The following SPIDR variants were observed in gnomAD, a reference collection of about 807,000 sequenced individuals.
SPIDR encodes DNA repair-scaffolding protein.
Under a neutral mutation model 104.6 loss-of-function variants are expected in SPIDR, and 93 were observed. The observed-to-expected ratio is 0.89, with a 90% CI of 0.75 to 1.06. The LOEUF (loss-of-function observed/expected upper bound fraction) is 1.06, where lower values mean the gene tolerates loss of function less well. Among genes scored for constraint, SPIDR ranks in the 50% least tolerant of loss-of-function variants. The pLI, the probability that SPIDR is intolerant of heterozygous loss-of-function variation, is 0.00. For synonymous variants in SPIDR, 431 were observed against 416.9 expected, an observed-to-expected ratio of 1.03 and a Z score of -0.41; for missense variants, 1,154 against 1,111.2, an observed-to-expected ratio of 1.04 and a Z score of -0.55.
rs1289712906 is a variant in SPIDR at position 47,440,558 on chromosome 8, T to C, written c.1097+16T>C. The C allele has an allele frequency of 1.9e-6, 3 of 1,600,604 alleles. No homozygotes were observed. In the African/African-American group the frequency reaches 4.0e-5, roughly 21 times the overall value. On this transcript the variant is annotated intron_variant, in intron 8 of 19. Coordinates refer to ENST00000297423, the MANE Select transcript of SPIDR (RefSeq NM_001080394.4). ...TCCCTCCCTGGTGAGTGCGCAGAAC[T>C]TAATCCAGCAGTCACCAACTGTGAG...
chr8:47,373,291 CATT>C (rs1204476091), intron 5 of SPIDR, among the ~76,000 whole-genome samples: 6 of 152,108 alleles, frequency 3.9e-5, no homozygotes, highest in Admixed American at 1.3e-4. Context: ...TAGAGACTAT[CATT>C]GTGTCACTCT....
intron 5 of SPIDR, among the ~76,000 whole-genome samples, chr8:47,333,344 C>G (rs541111669): frequency 3.9e-5 from 6 of 152,230 alleles, no homozygotes; most frequent in African/African-American, 1.2e-4. Flanking sequence ...CTCTGTAACC[C>G]AGTCTGGAAT....
At chr8:47,450,748 G>A (rs2071565983) in intron 8 of SPIDR, among the ~76,000 whole-genome samples, 1 of 152,176 alleles carries the variant, frequency 6.6e-6, no homozygotes, top group Admixed American at 6.5e-5. Flanking sequence ...TGAAAATGGT[G>A]TAGAGTAGGA....
At chr8:47,354,311 T>G (rs562955308) in intron 5 of SPIDR, among the ~76,000 whole-genome samples, 18 of 151,954 alleles carry the variant, frequency 1.2e-4, no homozygotes, top group African/African-American at 4.3e-4. Context: ...CTCATAGTTC[T>G]TCCTCAGTTT....
At chr8:47,663,040 C>T (rs1444801453) in intron 10 of SPIDR, among the ~76,000 whole-genome samples, 1 of 152,344 alleles carries the variant, frequency 6.6e-6, no homozygotes, top group African/African-American at 2.4e-5. Context: ...TGGACTAAGA[C>T]ACCTGTCTTG....
chr8:47,362,345 T>A (rs2056181058), intron 5 of SPIDR, among the ~76,000 whole-genome samples: 1 of 152,222 alleles, frequency 6.6e-6, no homozygotes, highest in African/African-American at 2.4e-5. Flanking sequence ...TGCTTACTAC[T>A]GGGAGTCAGG....
At chr8:47,628,175 T>C (rs1291553834) in intron 10 of SPIDR, among the ~76,000 whole-genome samples, 1 of 152,220 alleles carries the variant, frequency 6.6e-6, no homozygotes, top group African/African-American at 2.4e-5. Context: ...CAGAACATGC[T>C]TCCTGAGATA....
At chr8:47,604,078 A>G in intron 10 of SPIDR, among the ~76,000 whole-genome samples, 1 of 152,242 alleles carries the variant, frequency 6.6e-6, no homozygotes, top group South Asian at 2.1e-4. Context: ...GAGATCCCAC[A>G]CAAAATACTT....
intron 5 of SPIDR, among the ~76,000 whole-genome samples, chr8:47,362,978 G>A (rs2056383701): frequency 6.6e-6 from 1 of 151,516 alleles, no homozygotes; most frequent in Non-Finnish European, 1.5e-5. Flanking sequence ...GGCCAACATC[G>A]CCCATTAGAC....
chr8:47,616,002 AC>A (rs1337022946), intron 10 of SPIDR, among the ~76,000 whole-genome samples: 6 of 152,166 alleles, frequency 3.9e-5, no homozygotes, highest in East Asian at 3.8e-4. Context: ...TATAAAAAAA[AC>A]AACTTATTTT....
At chr8:47,717,091 C>G (rs1012053361) in intron 16 of SPIDR, among the ~76,000 whole-genome samples, 1 of 152,110 alleles carries the variant, frequency 6.6e-6, no homozygotes, top group Admixed American at 6.5e-5. Flanking sequence ...CTGAGCAGAC[C>G]GGCTACAGGG....
chr8:47,627,542 C>T (rs1326007174), intron 10 of SPIDR, among the ~76,000 whole-genome samples: 1 of 151,934 alleles, frequency 6.6e-6, no homozygotes, highest in Non-Finnish European at 1.5e-5. Flanking sequence ...ACCAAAGTAC[C>T]CTAAGTGTGT....
At chr8:47,412,141 C>CT (rs1427541786) in intron 7 of SPIDR, among the ~76,000 whole-genome samples, 1 of 152,082 alleles carries the variant, frequency 6.6e-6, no homozygotes, top group Non-Finnish European at 1.5e-5. Context: ...AATGCGGGCT[C>CT]TTTTTTGGTT....
At chr8:47,485,714 A>C (rs1282528322) in intron 8 of SPIDR, among the ~76,000 whole-genome samples, 1 of 152,236 alleles carries the variant, frequency 6.6e-6, no homozygotes, top group Non-Finnish European at 1.5e-5. Flanking sequence ...TCTGTTCTGC[A>C]GCCTCCGCTG....
At chr8:47,506,592 T>C (rs955715962) in intron 8 of SPIDR, among the ~76,000 whole-genome samples, 1 of 152,172 alleles carries the variant, frequency 6.6e-6, no homozygotes, top group African/African-American at 2.4e-5. Context: ...CATAAATATA[T>C]ACTTGCCACA....
At chr8:47,487,663 C>A (rs191284294) in intron 8 of SPIDR, among the ~76,000 whole-genome samples, 4 of 152,274 alleles carry the variant, frequency 2.6e-5, no homozygotes, top group African/African-American at 9.6e-5. Flanking sequence ...GTCTCTCAGA[C>A]CACAGTGCAC....
At chr8:47,557,645 C>T (rs964509094) in intron 8 of SPIDR, among the ~76,000 whole-genome samples, 3 of 152,158 alleles carry the variant, frequency 2.0e-5, no homozygotes, top group African/African-American at 7.2e-5. Flanking sequence ...CCTACACAGC[C>T]TGAAGACCAC....
At chr8:47,578,389 G>T (rs938826890) in intron 8 of SPIDR, among the ~76,000 whole-genome samples, 1 of 152,096 alleles carries the variant, frequency 6.6e-6, no homozygotes, top group African/African-American at 2.4e-5. Flanking sequence ...GGAGAATGGC[G>T]TGAACCTGGG....
intron 5 of SPIDR, among the ~76,000 whole-genome samples, chr8:47,331,984 T>TA (rs2048786828): frequency 1.6e-5 from 1 of 63,828 alleles, no homozygotes; most frequent in Non-Finnish European, 3.0e-5. Flanking sequence ...TTTTTTTTTT[T>TA]TTCTCTTTTT....
Sources: allele counts gnomAD v4.1 joint callset (sites outside exome capture counted in the v4.1 genomes callset), GRCh38; gene constraint gnomAD v4.1.1; transcripts MANE v1.5; gene names NCBI Gene and HGNC (gene_info 2026-07-23, HGNC 2026-07-21).